The following FSTL4 variants were observed in gnomAD, a reference collection of about 807,000 sequenced individuals.
FSTL4 encodes follistatin like 4, also known as follistatin-related protein 4.
Under a neutral mutation model 78.2 loss-of-function variants are expected in FSTL4, and 28 were observed. That is an observed-to-expected ratio of 0.36 (90% CI 0.27 to 0.49). The LOEUF (loss-of-function observed/expected upper bound fraction) is 0.49. Ranked by LOEUF, FSTL4 falls within the 20% of genes least tolerant of loss-of-function variation. The probability of loss-of-function intolerance (pLI) is 0.98; values close to 1 mark genes in which losing one functional copy is unlikely to be tolerated. For synonymous variants in FSTL4, 422 were observed against 440.5 expected (o/e 0.96, Z 0.53); for missense variants, 922 against 1,084.9 (o/e 0.85, Z 2.11).
the FSTL4 span, among the ~76,000 whole-genome samples, chr5:133,784,998 G>C: frequency 2.9e-3 from 443 of 152,284 alleles, 2 homozygotes; most frequent in African/African-American, 0.01. Context: ...GAGACCCCAA[G>C]GGAATAAGGC....
intron 6 of FSTL4, among the ~76,000 whole-genome samples, chr5:133,297,505 C>T (rs181519186): frequency 2.2e-3 from 329 of 152,232 alleles, no homozygotes; most frequent in Admixed American, 3.7e-3. Flanking sequence ...TCTGTGTCTC[C>T]GGCTCTTCAC....
chr5:133,308,470 C>A (rs1753704742), intron 6 of FSTL4, among the ~76,000 whole-genome samples: 1 of 152,168 alleles, frequency 6.6e-6, no homozygotes, highest in South Asian at 2.1e-4. Flanking sequence ...AGATAAAGAG[C>A]CAGATAGATC....
intron 3 of FSTL4, among the ~76,000 whole-genome samples, chr5:133,418,077 A>AC (rs1756615375): frequency 6.6e-6 from 1 of 151,652 alleles, no homozygotes; most frequent in Non-Finnish European, 1.5e-5. Context: ...GAAAGAGTGT[A>AC]CCAAAAGGAA....
chr5:133,662,698 T>C, the FSTL4 span, among the ~76,000 whole-genome samples: 1 of 152,152 alleles, frequency 6.6e-6, no homozygotes, highest in Non-Finnish European at 1.5e-5. Context: ...CCATTCACAG[T>C]TCCAGAGCCC....
chr5:133,314,479 A>T (rs938273696), intron 5 of FSTL4, among the ~76,000 whole-genome samples: 1 of 152,078 alleles, frequency 6.6e-6, no homozygotes, highest in African/African-American at 2.4e-5. Context: ...ACTGGCTGGG[A>T]CGGAGGGCCT....
At chr5:133,724,796 GA>G in the FSTL4 span, among the ~76,000 whole-genome samples, 54 of 151,996 alleles carry the variant, frequency 3.6e-4, no homozygotes, top group African/African-American at 1.3e-3. Flanking sequence ...CTGCCTATCC[GA>G]AAGTCATGAC....
At chr5:133,490,610 G>A (rs74760916) in intron 3 of FSTL4, among the ~76,000 whole-genome samples, 141 of 152,230 alleles carry the variant, frequency 9.3e-4, no homozygotes, top group African/African-American at 3.3e-3. Context: ...AACTTTCAGC[G>A]ATTTCAGTTA....
chr5:133,277,683 G>A (rs1247010306), intron 6 of FSTL4, among the ~76,000 whole-genome samples: 3 of 152,278 alleles, frequency 2.0e-5, no homozygotes, highest in Admixed American at 1.3e-4. Flanking sequence ...GACCTGACTT[G>A]CCCCTTGGGG....
chr5:133,508,139 T>A (rs1758649823), intron 3 of FSTL4, among the ~76,000 whole-genome samples: 1 of 152,144 alleles, frequency 6.6e-6, no homozygotes, highest in Non-Finnish European at 1.5e-5. Flanking sequence ...ACTTTCCTCA[T>A]CTGTTAAATG....
chr5:133,701,128 C>T, the FSTL4 span, among the ~76,000 whole-genome samples: 1 of 152,110 alleles, frequency 6.6e-6, no homozygotes. Context: ...GAGAGCCAGG[C>T]ATGGTGGCTC....
chr5:133,652,874 T>C, the FSTL4 span, among the ~76,000 whole-genome samples: 33,179 of 152,150 alleles, frequency 0.22, 3,859 homozygotes, highest in Admixed American at 0.29. Flanking sequence ...GAGAAGTAAC[T>C]GTACCCATCG....
At chr5:133,658,861 CA>C in the FSTL4 span, among the ~76,000 whole-genome samples, 3 of 152,104 alleles carry the variant, frequency 2.0e-5, no homozygotes, top group Non-Finnish European at 4.4e-5. Flanking sequence ...AAGTATTTAA[CA>C]ACTTCTCTTT....
upstream of FSTL4, among the ~76,000 whole-genome samples, chr5:133,613,690 T>C (rs1005597170): frequency 2.6e-5 from 4 of 152,124 alleles, no homozygotes; most frequent in African/African-American, 9.7e-5. Flanking sequence ...TGGTCTGGGG[T>C]CCAGCTCTCC....
At chr5:133,211,612 C>T (rs894395223) in intron 13 of FSTL4, among the ~76,000 whole-genome samples, 2 of 152,206 alleles carry the variant, frequency 1.3e-5, no homozygotes, top group Admixed American at 1.3e-4. Flanking sequence ...TCACTTTCAC[C>T]AAGTTTCTGA....
the FSTL4 span, among the ~76,000 whole-genome samples, chr5:133,812,683 C>G: frequency 6.6e-6 from 1 of 152,218 alleles, no homozygotes; most frequent in Admixed American, 6.5e-5. Context: ...ATTTTACATC[C>G]ATGCAGCTAT....
intron 3 of FSTL4, among the ~76,000 whole-genome samples, chr5:133,541,673 G>A (rs1759475618): frequency 6.6e-6 from 1 of 152,178 alleles, no homozygotes; most frequent in Admixed American, 6.5e-5. Flanking sequence ...TTGTCCAGAT[G>A]TGGCCAGCAT....
intron 2 of FSTL4, among the ~76,000 whole-genome samples, chr5:133,580,792 T>C (rs191936664): frequency 7.5e-4 from 114 of 152,294 alleles, no homozygotes; most frequent in African/African-American, 2.5e-3. Flanking sequence ...CAGTAAGAAC[T>C]AGCAGGGGAA....
Position 133,305,334 on chromosome 5 carries a change from T to C in FSTL4, c.727+7320A>G, listed in dbSNP as rs542162987. Among the ~76,000 whole-genome samples the C allele has an allele frequency of 5.3e-5, 8 of 152,268 alleles. 1 individual carries two copies. The highest frequency in any genetic ancestry group is 1.9e-4 in the African/African-American group (8 of 41,548). ...CCAAGCCCTGGCCTCTGAGTCTGAG[T>C]TCTGCCTCCGGGGCCCTAACTGTGG... On this transcript the variant is annotated intron_variant, in intron 6 of 15. Transcript: ENST00000265342.
chr5:133,386,333 G>A (rs189113389), intron 4 of FSTL4, among the ~76,000 whole-genome samples: 2 of 152,178 alleles, frequency 1.3e-5, no homozygotes, highest in African/African-American at 4.8e-5. Context: ...AGTCTCCGTG[G>A]GGCTATAGCC....
Sources: gnomAD v4.1 joint callset for allele counts (sites outside exome capture counted in the v4.1 genomes callset) on GRCh38, gnomAD v4.1.1 for gene constraint, MANE v1.5 for transcripts, NCBI Gene and HGNC (gene_info 2026-07-23, HGNC 2026-07-21) for gene names.